BTBD9: variants seen among roughly 807,000 people sequenced by gnomAD.
BTBD9 encodes BTB domain containing 9, also known as BTB/POZ domain-containing protein 9.
BTBD9 carries 49 observed loss-of-function variants against 64.3 expected under a neutral mutation model. That is an observed-to-expected ratio of 0.76 (90% CI 0.61 to 0.97). BTBD9 has a LOEUF of 0.97. Ranked by LOEUF, BTBD9 falls within the 50% of genes least tolerant of loss-of-function variation. BTBD9 has a pLI of 0.00. For missense variants in BTBD9, 598 were observed against 762.1 expected (o/e 0.78, Z 2.53); for synonymous variants, 260 against 274.7 (o/e 0.95, Z 0.53).
intron 9 of BTBD9, among the ~76,000 whole-genome samples, chr6:38,210,969 G>C (rs192101442): frequency 2.6e-5 from 4 of 152,202 alleles, no homozygotes; most frequent in East Asian, 3.9e-4. Context: ...TGAGTTCCTC[G>C]GCCTAACAGC....
chr6:38,326,553 G>A (rs1193779522), intron 7 of BTBD9, among the ~76,000 whole-genome samples: 2 of 152,042 alleles, frequency 1.3e-5, no homozygotes, highest in East Asian at 3.9e-4. Context: ...CTTGCGCTAG[G>A]GTGGCAGTAG....
At chr6:38,514,670 C>G (rs1326775491) in intron 6 of BTBD9, among the ~76,000 whole-genome samples, 1 of 152,216 alleles carries the variant, frequency 6.6e-6, no homozygotes, top group Non-Finnish European at 1.5e-5. Context: ...AAATAAATAG[C>G]TGCCCTTTCC....
chr6:38,203,782 G>C (rs934620672), intron 9 of BTBD9, among the ~76,000 whole-genome samples: 2 of 151,436 alleles, frequency 1.3e-5, no homozygotes, highest in African/African-American at 4.9e-5. Context: ...TGAAGAAAGG[G>C]GGGTGAATAG....
intron 6 of BTBD9, among the ~76,000 whole-genome samples, chr6:38,459,065 C>A (rs1769951867): frequency 6.6e-6 from 1 of 152,164 alleles, no homozygotes; most frequent in East Asian, 1.9e-4. Flanking sequence ...GTTGCCCAGG[C>A]TGGAGTGCAA....
chr6:38,528,508 C>G (rs1198652233), intron 6 of BTBD9, among the ~76,000 whole-genome samples: 3 of 152,106 alleles, frequency 2.0e-5, no homozygotes, highest in Non-Finnish European at 2.9e-5. Flanking sequence ...TCGCAGCTCT[C>G]AGAGAGACTT....
At chr6:38,243,146 G>A (rs773679808) in intron 9 of BTBD9, among the ~76,000 whole-genome samples, 23 of 152,210 alleles carry the variant, frequency 1.5e-4, no homozygotes, top group Non-Finnish European at 3.1e-4. Flanking sequence ...ATTAGGCCAG[G>A]CTGAAAGGAA....
At chr6:38,198,872 T>C (rs1313946726) in intron 9 of BTBD9, among the ~76,000 whole-genome samples, 3 of 151,568 alleles carry the variant, frequency 2.0e-5, no homozygotes, top group African/African-American at 7.3e-5. Context: ...AATGAGGAGG[T>C]ATGACTGTCT....
At chr6:38,428,153 TA>T (rs1290888887) in intron 6 of BTBD9, among the ~76,000 whole-genome samples, 1 of 151,744 alleles carries the variant, frequency 6.6e-6, no homozygotes, top group Non-Finnish European at 1.5e-5. Context: ...CACCAAAGAT[TA>T]ACGAGATATA....
intron 8 of BTBD9, among the ~76,000 whole-genome samples, chr6:38,287,109 T>C (rs759423119): frequency 0.11 from 9,179 of 87,126 alleles, 623 homozygotes; most frequent in Middle Eastern, 0.13. Flanking sequence ...AAAAAAAATA[T>C]ACACACACAC....
At chr6:38,577,484 A>T in intron 6 of BTBD9, 116 bp downstream of exon 6, 1 of 988,806 alleles carries the variant, frequency 1.0e-6, no homozygotes, top group Non-Finnish European at 1.5e-6. Flanking sequence ...GGATATGTTT[A>T]GTAGTTGACA....
intron 4 of BTBD9, among the ~76,000 whole-genome samples, chr6:38,582,669 T>C (rs538636556): frequency 6.6e-6 from 1 of 152,116 alleles, no homozygotes; most frequent in African/African-American, 2.4e-5. Flanking sequence ...TAGTATGATA[T>C]AGGGGAAAAA....
chr6:38,398,832 T>C (rs181205794), intron 6 of BTBD9, among the ~76,000 whole-genome samples: 56 of 152,328 alleles, frequency 3.7e-4, no homozygotes, highest in Non-Finnish European at 6.3e-4. Context: ...TTTAATTTAA[T>C]TTGTGGCCAG....
intron 6 of BTBD9, among the ~76,000 whole-genome samples, chr6:38,354,170 A>C (rs1388540234): frequency 1.3e-5 from 2 of 152,200 alleles, no homozygotes; most frequent in African/African-American, 4.8e-5. Flanking sequence ...AAAAAACAGA[A>C]GTGAAAACTA....
At chr6:38,428,156 CGA>C (rs1235172398) in intron 6 of BTBD9, among the ~76,000 whole-genome samples, 1 of 151,766 alleles carries the variant, frequency 6.6e-6, no homozygotes, top group Non-Finnish European at 1.5e-5. Context: ...CAAAGATTAA[CGA>C]GATATATCCC....
intron 6 of BTBD9, among the ~76,000 whole-genome samples, chr6:38,402,083 C>T (rs1766951939): frequency 6.6e-6 from 1 of 151,728 alleles, no homozygotes; most frequent in Non-Finnish European, 1.5e-5. Context: ...ATTAAGAAAA[C>T]AATTTCATTT....
intron 9 of BTBD9, among the ~76,000 whole-genome samples, chr6:38,234,616 G>T (rs568272036): frequency 5.3e-5 from 8 of 152,062 alleles, no homozygotes; most frequent in African/African-American, 1.9e-4. Flanking sequence ...AACAATAAAC[G>T]GTATTATTTT....
rs763420968 is a variant in BTBD9 at position 38,172,471 on chromosome 6, C to T, written c.*2514G>A. On this transcript the variant is annotated 3_prime_UTR_variant, in exon 11 of 11. Transcript: ENST00000481247. The stretch of plus-strand genomic sequence containing the variant: ...TGGCCTCCAGGCCCAGCTGGACACA[C>T]GAAAAGAGTTCCTGCCCCAGTCAGA... The T allele has an allele frequency of 2.0e-5, 3 of 152,390 alleles. No homozygotes were observed. The highest frequency in any genetic ancestry group is 4.4e-5 in the Non-Finnish European group (3 of 68,206). The allele number at this position is 152,390 out of a possible 1,614,324, so 9.4% of individuals were successfully genotyped here. A position where few individuals can be genotyped will look rare whatever the true frequency, so the allele number is the denominator to read the frequency against.
intron 4 of BTBD9, among the ~76,000 whole-genome samples, chr6:38,589,182 T>C (rs1470663693): frequency 1.3e-5 from 2 of 152,182 alleles, no homozygotes; most frequent in South Asian, 2.1e-4. Flanking sequence ...CAACAATCTG[T>C]GTATGTGTCA....
At chr6:38,633,399 A>C (rs1229333831) in intron 1 of BTBD9, among the ~76,000 whole-genome samples, 1 of 152,248 alleles carries the variant, frequency 6.6e-6, no homozygotes. Context: ...TCAAATTGAC[A>C]AGGTTGTCAT....
Sources: gnomAD v4.1 joint callset for allele counts (sites outside exome capture counted in the v4.1 genomes callset) on GRCh38, gnomAD v4.1.1 for gene constraint, MANE v1.5 for transcripts, NCBI Gene and HGNC (gene_info 2026-07-23, HGNC 2026-07-21) for gene names.